FBRSL1: variants seen among roughly 807,000 people sequenced by gnomAD.
FBRSL1 encodes fibrosin like 1.
FBRSL1 carries 51 observed loss-of-function variants against 89.6 expected under a neutral mutation model. The ratio of observed to expected loss-of-function variants is 0.57; its 90% confidence interval spans 0.45 to 0.72. The LOEUF (loss-of-function observed/expected upper bound fraction) is 0.72, where lower values mean the gene tolerates loss of function less well. Ranked by LOEUF, FBRSL1 falls within the 30% of genes least tolerant of loss-of-function variation. FBRSL1 has a pLI of 0.00. For missense variants in FBRSL1, 1,618 were observed against 1,451.8 expected (o/e 1.11, Z -1.86); for synonymous variants, 779 against 681.1 (o/e 1.14, Z -2.24).
At chr12:132,560,808 A>T (rs1593497407) in intron 5 of FBRSL1, among the ~76,000 whole-genome samples, 1 of 152,244 alleles carries the variant, frequency 6.6e-6, no homozygotes, top group East Asian at 1.9e-4. Flanking sequence ...GGCTTGAGTG[A>T]TCCTCTACCC....
At chr12:132,555,699 T>C (rs1566194584) in intron 5 of FBRSL1, among the ~76,000 whole-genome samples, 1 of 152,208 alleles carries the variant, frequency 6.6e-6, no homozygotes. Context: ...GGTGGTTGCA[T>C]TGCTCCTATC....
At chr12:132,512,167 C>A (rs529732833) in intron 2 of FBRSL1, among the ~76,000 whole-genome samples, 2 of 152,190 alleles carry the variant, frequency 1.3e-5, no homozygotes, top group Non-Finnish European at 2.9e-5. Context: ...GCCTCCAGAT[C>A]CCCCCACCGC....
In FBRSL1 at chr12:132,530,240, T is replaced by A. The variant is rs146632848; in HGVS notation, c.615+2252T>A. 6.7e-3 allele frequency among the ~76,000 whole-genome samples: 1,023 copies of A among 152,258 alleles called. 5 individuals are homozygous for A. Among genetic ancestry groups the A allele is most frequent in the Non-Finnish European group, 0.01 (702 of 68,008 alleles). ...CAGCTCCTGGTGTGCGTGTTCAGGG[T>A]CAGAGTGTGGAAATGGGCTAAGGCC... On this transcript the variant is annotated intron_variant, in intron 4 of 18. Coordinates refer to ENST00000680143, the MANE Select transcript of FBRSL1 (RefSeq NM_001367871.1).
At chr12:132,564,555 GTA>G (rs1249923429) in intron 5 of FBRSL1, among the ~76,000 whole-genome samples, 1,244 of 105,960 alleles carry the variant, frequency 0.012, 23 homozygotes, top group African/African-American at 0.061. Context: ...GAGTCCAGTG[GTA>G]CGATCTCAGC....
intron 4 of FBRSL1, among the ~76,000 whole-genome samples, chr12:132,533,488 C>T (rs1412494666): frequency 6.6e-6 from 1 of 152,264 alleles, no homozygotes; most frequent in East Asian, 1.9e-4. Flanking sequence ...CAGAGAGCCA[C>T]AGTCTCCTCC....
At position 132,583,509 on chromosome 12, in the gene FBRSL1, G is replaced by GC; in HGVS notation, c.2745dup (p.Ala916ArgfsTer110). 4 of 1,042,032 alleles carry GC rather than the reference G, an allele frequency of 3.8e-6. No individual in the cohort carries two copies. The highest frequency in any genetic ancestry group is 3.1e-5 in the South Asian group (1 of 32,680). The allele number at this position is 1,042,032 out of a possible 1,614,324, so 64.5% of individuals were successfully genotyped here. A position where few individuals can be genotyped will look rare whatever the true frequency, so the allele number is the denominator to read the frequency against. On this transcript the variant is annotated frameshift_variant, in exon 19 of 19. Coordinates refer to ENST00000680143, the MANE Select transcript of FBRSL1 (RefSeq NM_001367871.1). LOFTEE classifies it high-confidence loss of function. ...GCGGGCCCCGCACCTGCCGCCCGCC[G>GC]CCCCCGCCTTGGACGGCGCGCTGCT...
chr12:132,571,368 T>TGGCGCCTCCCTGGGCCC (rs1255293808), intron 9 of FBRSL1, 137 bp downstream of exon 9: 1 of 1,550,640 alleles, frequency 6.4e-7, no homozygotes, highest in African/African-American at 1.4e-5. Flanking sequence ...CCGAGCGGCC[T>TGGCGCCTCCCTGGGCCC]GGCGCCTCCC....
Position 132,569,993 on chromosome 12 carries a change from C to T in FBRSL1, c.759C>T (p.Ser253=). The T allele has an allele frequency of 6.7e-7, 1 of 1,500,242 alleles. No individual in the cohort carries two copies. The highest frequency in any genetic ancestry group is 8.8e-7 in the Non-Finnish European group (1 of 1,131,764). The allele number at this position is 1,500,242 out of a possible 1,614,324, so 92.9% of individuals were successfully genotyped here. The change falls in exon 7 of 19, where the codon AGC becomes AGT. Residue 253 remains serine (S), a synonymous_variant. Transcript: ENST00000680143. The stretch of plus-strand genomic sequence containing the variant: ...CCAAGGTGTCAGGCCTGGAGCGCAG[C>T]CGCGAGCTCAGCGCCGAGAGCTTCC... ...PVPKVSGLER[S]RELSAESFLP...
At position 132,583,100 on chromosome 12, in the gene FBRSL1, G is replaced by C. The variant is rs540659616; in HGVS notation, c.2331G>C (p.Glu777Asp). 2.7e-4 allele frequency: 397 copies of C among 1,454,852 alleles called. 3 individuals are homozygous for C. In the African/African-American group the frequency reaches 5.3e-3, roughly 19 times the overall value. 90.1% of individuals were successfully genotyped at this position (1,454,852 alleles called of 1,614,324 possible). A position where few individuals can be genotyped will look rare whatever the true frequency, so the allele number is the denominator to read the frequency against. Reference protein sequence around the residue: ...LGRSGAPAEREAEPRVKESRS... With the variant: ...LGRSGAPAERDAEPRVKESRS... ...GGTCCGGGGCCCCCGCGGAGCGCGAGGCCGAACCTCGGGTCAAGGAGAGCC... is the reference window on the plus strand; with the variant it reads ...GGTCCGGGGCCCCCGCGGAGCGCGACGCCGAACCTCGGGTCAAGGAGAGCC... Residue 777 changes from glutamate (E) to aspartate (D), a missense_variant, in exon 19 of 19, where the codon GAG (glutamate) becomes GAC (aspartate). Transcript: ENST00000680143.
intron 2 of FBRSL1, chr12:132,509,937 G>T (rs945195880): frequency 4.1e-6 from 5 of 1,230,682 alleles, no homozygotes; most frequent in Non-Finnish European, 5.1e-6. Context: ...GTGTCAGTAC[G>T]GCCAGCCCCG....
intron 5 of FBRSL1, among the ~76,000 whole-genome samples, chr12:132,559,588 T>TG (rs200424512): frequency 0.011 from 1,687 of 150,856 alleles, 11 homozygotes; most frequent in East Asian, 0.017. Flanking sequence ...CGGGCGGGGG[T>TG]GGGGGGTCTT....
intron 1 of FBRSL1, among the ~76,000 whole-genome samples, chr12:132,502,987 G>C (rs1566103574): frequency 6.6e-6 from 1 of 151,732 alleles, no homozygotes; most frequent in Admixed American, 6.6e-5. Flanking sequence ...CAATGGTCTG[G>C]GTCTCCGACT....
Position 132,512,675 on chromosome 12 carries a change from A to G in FBRSL1, c.489+4325A>G, listed in dbSNP as rs116838103. Among the ~76,000 whole-genome samples, 263 of 152,290 alleles carry G rather than the reference A, an allele frequency of 1.7e-3. 3 individuals are homozygous for G. The highest frequency in any genetic ancestry group is 6.0e-3 in the African/African-American group (249 of 41,554). On this transcript the variant is annotated intron_variant, in intron 2 of 18. Transcript: ENST00000680143. The stretch of plus-strand genomic sequence containing the variant: ...CAGAGGGGGCCGAGTGAGTAGAGCC[A>G]TGTCTGGGGCAGGCCTGAACGGGCT...
chr12:132,508,313 A>T lies in FBRSL1; in HGVS notation c.452A>T (p.Asp151Val), dbSNP rs2033929918. 6 of 1,546,742 alleles carry T rather than the reference A, an allele frequency of 3.9e-6. No homozygotes were observed. The highest frequency in any genetic ancestry group is 5.2e-6 in the Non-Finnish European group (6 of 1,145,660). ...GGGCAGGACCTCGAACCCGCCTGCGATGGGGCGAGAAAGGTCCCACTGCAG... is the reference window on the plus strand; with the variant it reads ...GGGCAGGACCTCGAACCCGCCTGCGTTGGGGCGAGAAAGGTCCCACTGCAG... ...SPGQDLEPAC[D>V]GARKVPLQPS... is the part of the protein sequence containing the mutation. The change falls in exon 2 of 19, where the codon GAT (aspartate) becomes GTT (valine). Residue 151 changes from aspartate (D) to valine (V), a missense_variant. Transcript: ENST00000680143.
intron 4 of FBRSL1, among the ~76,000 whole-genome samples, chr12:132,544,516 G>A (rs1043169193): frequency 6.6e-6 from 1 of 152,180 alleles, no homozygotes; most frequent in South Asian, 2.1e-4. Context: ...GCATCTTCTC[G>A]TTCTTGGCTT....
At chr12:132,513,906 G>A (rs1031442609) in intron 2 of FBRSL1, among the ~76,000 whole-genome samples, 2 of 152,140 alleles carry the variant, frequency 1.3e-5, no homozygotes, top group African/African-American at 4.8e-5. Flanking sequence ...GTGGGCTCCC[G>A]GCACCTGGCC....
intron 5 of FBRSL1, chr12:132,560,029 C>T (rs1373662900): frequency 1.3e-5 from 2 of 149,724 alleles, no homozygotes; most frequent in African/African-American, 4.9e-5. Flanking sequence ...GAGCCCAGAG[C>T]GCACCGAGCG....
At chr12:132,573,125 C>T (rs1481650089) in intron 11 of FBRSL1, among the ~76,000 whole-genome samples, 2 of 152,228 alleles carry the variant, frequency 1.3e-5, no homozygotes, top group African/African-American at 4.8e-5. Flanking sequence ...CCCCGTGACC[C>T]TCCTCACTGT....
In FBRSL1 at chr12:132,582,171, T is replaced by C. The variant is rs2040804098; in HGVS notation, c.2106T>C (p.Ala702=). The C allele has an allele frequency of 6.5e-7, 1 of 1,549,828 alleles. No individual in the cohort carries two copies. Among genetic ancestry groups the C allele is most frequent in the South Asian group, 1.2e-5 (1 of 84,038 alleles). Residue 702 remains alanine, a synonymous_variant, in exon 18 of 19, where the codon GCT becomes GCC. Coordinates refer to ENST00000680143, the MANE Select transcript of FBRSL1 (RefSeq NM_001367871.1). ...RLHRAPPSFP[A]PPPWPKSVDA... is the part of the protein sequence containing the mutation. ...ACCGGGCACCGCCCTCCTTCCCGGC[T>C]CCGCCCCCGTGGCCCAAGTCCGTGG...
Sources: gnomAD v4.1 joint callset for allele counts (sites outside exome capture counted in the v4.1 genomes callset) on GRCh38, gnomAD v4.1.1 for gene constraint, MANE v1.5 for transcripts, NCBI Gene and HGNC (gene_info 2026-07-23, HGNC 2026-07-21) for gene names.